The following SPIRE1 variants were observed in gnomAD, a reference collection of about 807,000 sequenced individuals.
The protein encoded by SPIRE1 is spire type actin nucleation factor 1.
In SPIRE1, 40 loss-of-function variants were observed where a neutral mutation model predicts 94.1. The observed-to-expected ratio is 0.43, with a 90% CI of 0.33 to 0.55. The LOEUF is 0.55. Ranked by LOEUF, SPIRE1 falls within the 20% of genes least tolerant of loss-of-function variation. The pLI is 0.06. For synonymous variants in SPIRE1, 376 were observed against 371.7 expected, an observed-to-expected ratio of 1.01 and a Z score of -0.13; for missense variants, 838 against 975.2, an observed-to-expected ratio of 0.86 and a Z score of 1.87.
intron 6 of SPIRE1, among the ~76,000 whole-genome samples, chr18:12,496,856 A>G (rs11659280): frequency 0.35 from 53,066 of 151,922 alleles, 12,044 homozygotes; most frequent in African/African-American, 0.65. Flanking sequence ...GTGACAAAGC[A>G]AGACTCCGTC....
chr18:12,471,161 C>T (rs1172506360), intron 10 of SPIRE1, among the ~76,000 whole-genome samples: 1 of 134,588 alleles, frequency 7.4e-6, no homozygotes, highest in East Asian at 2.2e-4. Flanking sequence ...TTAAAGATAA[C>T]AAGAGACACT....
chr18:12,646,770 C>T (rs764187642), intron 1 of SPIRE1, among the ~76,000 whole-genome samples: 20 of 152,062 alleles, frequency 1.3e-4, no homozygotes, highest in Non-Finnish European at 2.4e-4. Context: ...TTAGGCCCGG[C>T]GCAGTGGTTC....
chr18:12,659,828 G>A (rs1210936213), upstream of SPIRE1, among the ~76,000 whole-genome samples: 1 of 152,042 alleles, frequency 6.6e-6, no homozygotes, highest in Non-Finnish European at 1.5e-5. Flanking sequence ...GTGTGCCAAA[G>A]CCCAGAGAGG....
chr18:12,450,192 T>TAAAA, intron 16 of SPIRE1, among the ~76,000 whole-genome samples: 1 of 122,100 alleles, frequency 8.2e-6, no homozygotes, highest in South Asian at 2.6e-4. Flanking sequence ...CAGTCTCTAC[T>TAAAA]AAAAAAAAAA....
chr18:12,502,186 T>C (rs1203117755), intron 6 of SPIRE1, among the ~76,000 whole-genome samples: 2 of 152,100 alleles, frequency 1.3e-5, no homozygotes, highest in African/African-American at 2.4e-5. Flanking sequence ...ATCAAACAGG[T>C]TGACTACTAT....
At chr18:12,553,383 C>T (rs1216460699) in intron 2 of SPIRE1, among the ~76,000 whole-genome samples, 1 of 151,642 alleles carries the variant, frequency 6.6e-6, no homozygotes, top group African/African-American at 2.4e-5. Context: ...TGGCAGCATT[C>T]ACTAAAAACT....
intron 5 of SPIRE1, 55 bp from the exon 6 acceptor site, chr18:12,506,696 A>G (rs984235106): frequency 7.8e-5 from 116 of 1,496,154 alleles, no homozygotes; most frequent in Non-Finnish European, 1.0e-4. Flanking sequence ...AGTTTCTTCT[A>G]AACAGCTAGT....
At chr18:12,514,650 T>C (rs1227822284) in intron 4 of SPIRE1, among the ~76,000 whole-genome samples, 2 of 151,984 alleles carry the variant, frequency 1.3e-5, no homozygotes, top group East Asian at 3.8e-4. Flanking sequence ...TCAGAGGGAG[T>C]AATATTCAGA....
Position 12,558,308 on chromosome 18 carries a change from C to T in SPIRE1, c.373-11404G>A, listed in dbSNP as rs117081964. 5.7e-4 allele frequency among the ~76,000 whole-genome samples: 86 copies of T among 152,026 alleles called. 1 individual carries two copies. The East Asian group carries it at 0.012, about 21-fold the overall frequency. On this transcript the variant is annotated intron_variant, in intron 2 of 16. Coordinates refer to ENST00000409402, the MANE Select transcript of SPIRE1 (RefSeq NM_001128626.2). ...TAAAAGCGGCATGTCTGGAGTTGTTCGTGCCTCCTGGTGGGTTTGTGGTCT... is the reference window on the plus strand; with the variant it reads ...TAAAAGCGGCATGTCTGGAGTTGTTTGTGCCTCCTGGTGGGTTTGTGGTCT...
intron 1 of SPIRE1, among the ~76,000 whole-genome samples, chr18:12,650,194 G>A (rs932070634): frequency 2.6e-5 from 4 of 151,470 alleles, no homozygotes; most frequent in East Asian, 2.0e-4. Flanking sequence ...ACCCGAGCTC[G>A]TGCCACTGCA....
chr18:12,486,046 T>G, intron 8 of SPIRE1, 46 bp from the exon 9 acceptor site: 36 of 1,398,278 alleles, frequency 2.6e-5, no homozygotes, highest in Non-Finnish European at 3.1e-5. Flanking sequence ...ATTCAGCTGT[T>G]AGGAATATAC....
intron 10 of SPIRE1, among the ~76,000 whole-genome samples, chr18:12,470,225 G>A (rs1418323865): frequency 1.3e-5 from 2 of 152,124 alleles, no homozygotes; most frequent in Non-Finnish European, 2.9e-5. Flanking sequence ...TAGGATTACA[G>A]GCATAATCTT....
intron 12 of SPIRE1, among the ~76,000 whole-genome samples, chr18:12,461,414 AT>A (rs2031791117): frequency 1.4e-5 from 2 of 139,928 alleles, no homozygotes; most frequent in Admixed American, 1.4e-4. Flanking sequence ...ATACACATGT[AT>A]GTGTGTGTGT....
intron 3 of SPIRE1, among the ~76,000 whole-genome samples, chr18:12,537,991 A>G (rs1162571403): frequency 6.6e-6 from 1 of 152,176 alleles, no homozygotes; most frequent in African/African-American, 2.4e-5. Context: ...TAAGAAATAG[A>G]AAGACTGATC....
chr18:12,502,717 C>A (rs1467081125), intron 6 of SPIRE1, among the ~76,000 whole-genome samples: 4 of 152,080 alleles, frequency 2.6e-5, no homozygotes, highest in Non-Finnish European at 5.9e-5. Context: ...TTTGGATGTT[C>A]ATCATAATAT....
intron 2 of SPIRE1, among the ~76,000 whole-genome samples, chr18:12,561,832 A>C (rs1433906285): frequency 6.6e-6 from 1 of 151,056 alleles, no homozygotes; most frequent in East Asian, 2.0e-4. Flanking sequence ...AGGAAAAGAA[A>C]GACTATTTAT....
At chr18:12,648,472 A>G (rs971124675) in intron 1 of SPIRE1, among the ~76,000 whole-genome samples, 8 of 152,192 alleles carry the variant, frequency 5.3e-5, no homozygotes, top group Non-Finnish European at 1.2e-4. Flanking sequence ...CATTTTACAA[A>G]ATAGCTGACC....
intron 6 of SPIRE1, among the ~76,000 whole-genome samples, chr18:12,503,524 G>C (rs1244327841): frequency 6.6e-6 from 1 of 152,144 alleles, no homozygotes; most frequent in African/African-American, 2.4e-5. Context: ...CCTGCATTCT[G>C]TTCTATCCTC....
At chr18:12,631,734 G>A (rs1427761101) in intron 2 of SPIRE1, among the ~76,000 whole-genome samples, 3 of 152,004 alleles carry the variant, frequency 2.0e-5, no homozygotes, top group Non-Finnish European at 2.9e-5. Flanking sequence ...GCATCATGGC[G>A]CACGCCTGTA....
Sources: gnomAD v4.1 joint callset for allele counts (sites outside exome capture counted in the v4.1 genomes callset) on GRCh38, gnomAD v4.1.1 for gene constraint, MANE v1.5 for transcripts, NCBI Gene and HGNC (gene_info 2026-07-23, HGNC 2026-07-21) for gene names.